Variants in QTMAN observed in about 807,000 individuals in gnomAD.
The protein encoded by QTMAN is queuosine-tRNA mannosyltransferase.
At chr2:144,159,358 G>T in the QTMAN span, among the ~76,000 whole-genome samples, 1 of 152,004 alleles carries the variant, frequency 6.6e-6, no homozygotes, top group African/African-American at 2.4e-5. Context: ...GTGTAAAGCT[G>T]GTTGGGAGCC....
At chr2:144,311,204 A>T in the QTMAN span, among the ~76,000 whole-genome samples, 1 of 152,244 alleles carries the variant, frequency 6.6e-6, no homozygotes, top group Non-Finnish European at 1.5e-5. Context: ...TAGCATCAAG[A>T]TACTCATTCT....
the QTMAN span, among the ~76,000 whole-genome samples, chr2:144,155,707 C>G: frequency 6.6e-6 from 1 of 152,146 alleles, no homozygotes; most frequent in Non-Finnish European, 1.5e-5. Context: ...CAAGCCAGAG[C>G]ACTATCCACA....
the QTMAN span, among the ~76,000 whole-genome samples, chr2:144,209,693 T>C: frequency 3.3e-5 from 5 of 152,226 alleles, no homozygotes; most frequent in Admixed American, 6.5e-5. Context: ...AAAAGATATC[T>C]ATGAACATAA....
chr2:144,033,779 T>C, the QTMAN span, among the ~76,000 whole-genome samples: 8 of 152,178 alleles, frequency 5.3e-5, no homozygotes, highest in Non-Finnish European at 1.0e-4. Context: ...AACTCAGGTG[T>C]GGTTGAAAGA....
the QTMAN span, among the ~76,000 whole-genome samples, chr2:144,332,749 C>T: frequency 1.3e-5 from 2 of 152,030 alleles, no homozygotes; most frequent in Non-Finnish European, 2.9e-5. Context: ...GCCCACTGTC[C>T]CCCGGCCTCG....
At chr2:144,086,435 C>T in the QTMAN span, among the ~76,000 whole-genome samples, 5 of 152,162 alleles carry the variant, frequency 3.3e-5, no homozygotes, top group African/African-American at 9.7e-5. Flanking sequence ...GACACCATTC[C>T]CACCCTCAAT....
chr2:144,031,973 C>T, the QTMAN span, among the ~76,000 whole-genome samples: 6 of 151,998 alleles, frequency 3.9e-5, no homozygotes, highest in Admixed American at 6.6e-5. Context: ...TTAGTGGCGA[C>T]GGGGTTTCAT....
At chr2:144,256,827 A>AT in the QTMAN span, among the ~76,000 whole-genome samples, 97 of 152,184 alleles carry the variant, frequency 6.4e-4, no homozygotes, top group African/African-American at 2.2e-3. Context: ...ATGTACACCT[A>AT]TGTAACAAAC....
chr2:143,980,244 C>T, the QTMAN span, among the ~76,000 whole-genome samples: 1 of 152,148 alleles, frequency 6.6e-6, no homozygotes, highest in African/African-American at 2.4e-5. Flanking sequence ...TCCATGTGTT[C>T]TCATTGTTCA....
the QTMAN span, among the ~76,000 whole-genome samples, chr2:144,024,637 C>G: frequency 1.3e-5 from 2 of 152,156 alleles, no homozygotes; most frequent in Non-Finnish European, 2.9e-5. Flanking sequence ...AATAAGGTTT[C>G]ATTAAAGAGT....
chr2:144,035,749 A>G, the QTMAN span, among the ~76,000 whole-genome samples: 1 of 152,218 alleles, frequency 6.6e-6, no homozygotes, highest in Non-Finnish European at 1.5e-5. Flanking sequence ...CAGTTTTGAG[A>G]ACAGAATTGG....
At chr2:144,153,359 T>C in the QTMAN span, among the ~76,000 whole-genome samples, 1 of 152,170 alleles carries the variant, frequency 6.6e-6, no homozygotes, top group African/African-American at 2.4e-5. Context: ...TAAATCACTA[T>C]TATTCTCAAA....
the QTMAN span, among the ~76,000 whole-genome samples, chr2:144,139,951 A>G: frequency 6.6e-6 from 1 of 152,220 alleles, no homozygotes; most frequent in East Asian, 1.9e-4. Flanking sequence ...AGATACAAGC[A>G]TTCAAAAATA....
chr2:144,106,731 G>A, the QTMAN span, among the ~76,000 whole-genome samples: 11 of 152,166 alleles, frequency 7.2e-5, no homozygotes, highest in Non-Finnish European at 1.5e-4. Context: ...TCCAGCAATT[G>A]AACTCAGCTC....
At chr2:144,220,614 A>C in the QTMAN span, among the ~76,000 whole-genome samples, 3 of 152,340 alleles carry the variant, frequency 2.0e-5, no homozygotes, top group South Asian at 6.2e-4. Flanking sequence ...GTAATTTCAC[A>C]CTTTGCAAAC....
the QTMAN span, among the ~76,000 whole-genome samples, chr2:144,077,878 T>C: frequency 2.0e-5 from 3 of 152,252 alleles, no homozygotes; most frequent in South Asian, 2.1e-4. Context: ...AAAGTTTTCT[T>C]TGATCGTCTG....
chr2:143,959,922 C>T, the QTMAN span, among the ~76,000 whole-genome samples: 1 of 151,928 alleles, frequency 6.6e-6, no homozygotes, highest in African/African-American at 2.4e-5. Flanking sequence ...GTGTTTTTTA[C>T]AATTGTGGCT....
At chr2:143,942,065 C>T in the QTMAN span, 2 of 166,164 alleles carry the variant, frequency 1.2e-5, no homozygotes, top group Non-Finnish European at 2.9e-5. Context: ...CTAGGGGTCA[C>T]ATCTTCTCGC....
the QTMAN span, among the ~76,000 whole-genome samples, chr2:144,081,830 A>AGAGCC: frequency 6.6e-6 from 1 of 152,162 alleles, no homozygotes; most frequent in Non-Finnish European, 1.5e-5. Flanking sequence ...AGGTCCAGAG[A>AGAGCC]GAGCCTATCA....
Sources: allele counts gnomAD v4.1 joint callset (sites outside exome capture counted in the v4.1 genomes callset), GRCh38; gene constraint gnomAD v4.1.1; transcripts MANE v1.5; gene names NCBI Gene and HGNC (gene_info 2026-07-23, HGNC 2026-07-21).